Variants in ADGRV1 observed in about 807,000 individuals in gnomAD.
ADGRV1 encodes the protein G-protein coupled receptor 98.
Under a neutral mutation model 596.2 loss-of-function variants are expected in ADGRV1, and 359 were observed. The ratio of observed to expected loss-of-function variants is 0.60; its 90% CI spans 0.55 to 0.66. The LOEUF is 0.66. ADGRV1 is among the 30% of genes least tolerant of loss of function. The probability of loss-of-function intolerance (pLI) is 0.00; values close to 1 mark genes in which losing one functional copy is unlikely to be tolerated. For synonymous variants in ADGRV1, 2,681 were observed against 2,679.2 expected (o/e 1.00, Z -0.02); for missense variants, 7,274 against 7,575.6 (o/e 0.96, Z 1.48).
In ADGRV1 at chr5:90,633,280, C is replaced by T. The variant is rs116184882; in HGVS notation, c.1840-1834C>T. Among the ~76,000 whole-genome samples, 1,257 of 152,252 alleles carry T rather than the reference C, an allele frequency of 8.3e-3. 28 individuals are homozygous for T. Among genetic ancestry groups the T allele is most frequent in the African/African-American group, 0.029 (1,222 of 41,546 alleles). On this transcript the variant is annotated intron_variant, in intron 9 of 89. Coordinates refer to ENST00000405460, the MANE Select transcript of ADGRV1 (RefSeq NM_032119.4). ...CATCAGTTCATTTCATAACCATCTA[C>T]ATTTTCTTTCTATTTGTCAAAAATC...
intron 83 of ADGRV1, among the ~76,000 whole-genome samples, chr5:90,920,966 T>C (rs1287856342): frequency 6.6e-6 from 1 of 152,224 alleles, no homozygotes; most frequent in Non-Finnish European, 1.5e-5. Flanking sequence ...GTTTAAATTT[T>C]GTTATCAAAT....
chr5:90,766,304 A>G (rs1051420535), intron 59 of ADGRV1, among the ~76,000 whole-genome samples: 1 of 151,400 alleles, frequency 6.6e-6, no homozygotes, highest in Admixed American at 6.6e-5. Flanking sequence ...GGCAAAGCCA[A>G]TCAACCACGC....
Position 90,774,197 on chromosome 5 carries a change from G to A in ADGRV1, c.12297G>A (p.Gln4099=), listed in dbSNP as rs767081312. 1.9e-6 allele frequency: 3 copies of A among 1,601,500 alleles called. No homozygotes were observed. Among genetic ancestry groups the A allele is most frequent in the South Asian group, 1.1e-5 (1 of 89,512 alleles). ...GTCATTGGATGTAGACTGAGTCCCA[G>A]AAGACCATTGTGTTGCACACACTTC... The part of the protein sequence containing the change: ...GTLHFDETES[Q]KTIVLHTLQD... The change falls in exon 60 of 90, where the codon CAG becomes CAA. Residue 4099 remains glutamine (Q), a synonymous_variant. Transcript: ENST00000405460.
chr5:90,704,411 T>C lies in ADGRV1; in HGVS notation c.8309T>C (p.Phe2770Ser). 1 of 1,577,252 alleles carries C rather than the reference T, an allele frequency of 6.3e-7. No individual in the cohort carries two copies. The highest frequency in any genetic ancestry group is 2.3e-5 in the East Asian group (1 of 43,554). ...TAGGGGTCGTTGAATACAACATTGT[T>C]TGTGCATTTGTTGGATGACAACATT... ...FPEGSLNTTL[F>S]VHLLDDNIPE... The change falls in exon 36 of 90, where the codon TTT becomes TCT. Residue 2770 changes from phenylalanine to serine, a missense_variant. Phe to Ser is a radical substitution (Grantham distance 155). Coordinates refer to ENST00000405460, the MANE Select transcript of ADGRV1 (RefSeq NM_032119.4).
At chr5:90,722,003 A>G (rs1260870606) in intron 45 of ADGRV1, among the ~76,000 whole-genome samples, 1 of 152,226 alleles carries the variant, frequency 6.6e-6, no homozygotes, top group African/African-American at 2.4e-5. Flanking sequence ...GGAATATTTT[A>G]TAGTTGCCAG....
chr5:90,576,250 C>A (rs553354855), intron 1 of ADGRV1, among the ~76,000 whole-genome samples: 2 of 152,024 alleles, frequency 1.3e-5, no homozygotes, highest in Admixed American at 1.3e-4. Flanking sequence ...TCTCCTAATG[C>A]TATCCCTCCC....
At position 90,629,226 on chromosome 5, in the gene ADGRV1, A is replaced by G. The variant is rs1488268315; in HGVS notation, c.1526A>G (p.Gln509Arg). Residue 509 changes from glutamine to arginine, a missense_variant, in exon 9 of 90, where the codon CAG becomes CGG. Gln to Arg is a conservative substitution (Grantham distance 43). Coordinates refer to ENST00000405460, the MANE Select transcript of ADGRV1 (RefSeq NM_032119.4). ...SEPAELLFYI[Q>R]DSDDVYGLIT... ...TTACTTCAGCTTTTGTTCTACATTC[A>G]GGATAGTGATGATGTCTATGGCCTA... 1 of 1,572,914 alleles carries G rather than the reference A, an allele frequency of 6.4e-7. No homozygotes were observed. Among genetic ancestry groups the G allele is most frequent in the Admixed American group, 1.9e-5 (1 of 53,676 alleles).
intron 79 of ADGRV1, among the ~76,000 whole-genome samples, chr5:90,851,393 A>C (rs1402679103): frequency 6.6e-6 from 1 of 152,218 alleles, no homozygotes; most frequent in Non-Finnish European, 1.5e-5. Flanking sequence ...AATAAGAGAG[A>C]GATCAAGACT....
At chr5:90,717,619 C>G (rs1419948550) in intron 43 of ADGRV1, 1 of 152,118 alleles carries the variant, frequency 6.6e-6, no homozygotes, top group Non-Finnish European at 1.5e-5. Context: ...CCTCGGCCTC[C>G]TGAGTGGCTA....
chr5:90,735,273 T>G (rs1028188065), intron 50 of ADGRV1, among the ~76,000 whole-genome samples: 1 of 152,242 alleles, frequency 6.6e-6, no homozygotes, highest in African/African-American at 2.4e-5. Flanking sequence ...GAATAGACTC[T>G]CTTTCTTCAT....
At position 90,720,754 on chromosome 5, in the gene ADGRV1, T is replaced by C. The variant is rs1750806750; in HGVS notation, c.9624-181T>C. 2.0e-5 allele frequency among the ~76,000 whole-genome samples: 3 copies of C among 152,234 alleles called. 1 individual carries two copies. In the South Asian group the frequency reaches 6.2e-4, roughly 32 times the overall value. On this transcript the variant is annotated intron_variant, in intron 44 of 89. Coordinates refer to ENST00000405460, the MANE Select transcript of ADGRV1 (RefSeq NM_032119.4). ...AACATAAGAATGACAATTTTATTTC[T>C]TTTTCAGAATATAGAGTGCAAAGTT...
At chr5:91,051,101 A>T (rs577140177) in intron 85 of ADGRV1, among the ~76,000 whole-genome samples, 1 of 152,350 alleles carries the variant, frequency 6.6e-6, no homozygotes, top group Non-Finnish European at 1.5e-5. Flanking sequence ...AACTTAGCAC[A>T]ACATGAGATA....
At chr5:91,003,461 A>T (rs899085209) in intron 85 of ADGRV1, among the ~76,000 whole-genome samples, 6 of 152,188 alleles carry the variant, frequency 3.9e-5, no homozygotes, top group African/African-American at 1.4e-4. Context: ...GTGATATTTT[A>T]TATGACTATC....
intron 83 of ADGRV1, among the ~76,000 whole-genome samples, chr5:90,887,673 A>G (rs1770437064): frequency 1.3e-5 from 2 of 152,288 alleles, no homozygotes; most frequent in Middle Eastern, 3.4e-3. Flanking sequence ...ATGGGAAACA[A>G]TTTGGGTGAG....
chr5:90,910,566 TC>T (rs1336105370), intron 83 of ADGRV1, among the ~76,000 whole-genome samples: 1 of 73,138 alleles, frequency 1.4e-5, no homozygotes, highest in Non-Finnish European at 4.0e-5. Context: ...TATCTATCTA[TC>T]TATCTATCTA....
At chr5:91,016,934 A>G (rs146320596) in intron 85 of ADGRV1, among the ~76,000 whole-genome samples, 57 of 152,036 alleles carry the variant, frequency 3.7e-4, no homozygotes, top group African/African-American at 1.2e-3. Context: ...GAGAACTTTA[A>G]CATTGATCTA....
At chr5:91,036,535 C>G (rs1014101218) in intron 85 of ADGRV1, among the ~76,000 whole-genome samples, 1 of 147,730 alleles carries the variant, frequency 6.8e-6, no homozygotes, top group Non-Finnish European at 1.5e-5. Flanking sequence ...GCACTCTAGC[C>G]TGGGCGACAA....
chr5:91,142,834 A>G (rs1795207332), intron 87 of ADGRV1, among the ~76,000 whole-genome samples: 1 of 152,216 alleles, frequency 6.6e-6, no homozygotes, highest in Non-Finnish European at 1.5e-5. Flanking sequence ...AATTGGTCAT[A>G]GTGTTACGGG....
At chr5:90,624,450 T>A (rs1561405114) in intron 5 of ADGRV1, among the ~76,000 whole-genome samples, 1 of 152,190 alleles carries the variant, frequency 6.6e-6, no homozygotes, top group Non-Finnish European at 1.5e-5. Flanking sequence ...TAAATAATTA[T>A]AAGTAACATT....
Sources: allele counts gnomAD v4.1 joint callset (sites outside exome capture counted in the v4.1 genomes callset), GRCh38; gene constraint gnomAD v4.1.1; transcripts MANE v1.5; gene names NCBI Gene and HGNC (gene_info 2026-07-23, HGNC 2026-07-21).